Variants in SNX14 observed in about 807,000 individuals in gnomAD.
SNX14 encodes sorting nexin 14, also known as sorting nexin-14.
Under a neutral mutation model 133.8 loss-of-function variants are expected in SNX14, and 93 were observed. The observed-to-expected ratio is 0.70, with a 90% CI of 0.59 to 0.83. The LOEUF (loss-of-function observed/expected upper bound fraction) is 0.83, where lower values mean the gene tolerates loss of function less well. Ranked by LOEUF, SNX14 falls within the 40% of genes least tolerant of loss-of-function variation. SNX14 has a pLI of 0.00. For missense variants in SNX14, 945 were observed against 1,094.9 expected (o/e 0.86, Z 1.93); for synonymous variants, 368 against 365.6 (o/e 1.01, Z -0.07).
At chr6:85,587,050 AAAAG>A (rs1263449665) in intron 1 of SNX14, among the ~76,000 whole-genome samples, 5 of 152,030 alleles carry the variant, frequency 3.3e-5, no homozygotes, top group Non-Finnish European at 5.9e-5. Context: ...CATCTCAAAA[AAAAG>A]AAAGAGAGAG....
chr6:85,570,398 C>A (rs910973605), intron 4 of SNX14, among the ~76,000 whole-genome samples: 2 of 152,132 alleles, frequency 1.3e-5, no homozygotes, highest in Non-Finnish European at 2.9e-5. Context: ...ACCTCAACTT[C>A]GCACTCTCCA....
intron 6 of SNX14, among the ~76,000 whole-genome samples, chr6:85,563,700 A>T (rs1792645828): frequency 6.6e-6 from 1 of 151,948 alleles, no homozygotes; most frequent in Non-Finnish European, 1.5e-5. Context: ...GCTGAGAAAA[A>T]TATTTTTTAA....
chr6:85,517,865 T>C lies in SNX14; in HGVS notation c.2159A>G (p.His720Arg). Reference sequence around the variant, plus strand: ...GAAATTCATGATAAAAGGTTCCAAATGCTGACCTTTCTGTGGTGATAGATT... The same window carrying C: ...GAAATTCATGATAAAAGGTTCCAAACGCTGACCTTTCTGTGGTGATAGATT... ...PGKLMKEKGQ[H>R]LEPFIMNFIN... The change falls in exon 23 of 29, where the codon CAT (histidine) becomes CGT (arginine). Residue 720 changes from histidine (H) to arginine (R), a missense_variant. His to Arg is a conservative substitution (Grantham distance 29). Around this residue, in one of 3 missense-constraint regions of SNX14, gnomAD observed 412 missense variants for 516.6 expected, o/e 0.80. Coordinates refer to ENST00000314673, the MANE Select transcript of SNX14 (RefSeq NM_153816.6). 1 of 1,605,914 alleles carries C rather than the reference T, an allele frequency of 6.2e-7. No individual in the cohort carries two copies. Among genetic ancestry groups the C allele is most frequent in the Non-Finnish European group, 8.5e-7 (1 of 1,177,932 alleles).
chr6:85,582,825 C>A (rs1233165900), intron 1 of SNX14, among the ~76,000 whole-genome samples: 1 of 152,144 alleles, frequency 6.6e-6, no homozygotes, highest in African/African-American at 2.4e-5. Context: ...GGATTCACAG[C>A]CAAATTCTAC....
intron 1 of SNX14, among the ~76,000 whole-genome samples, chr6:85,582,785 C>A (rs561417116): frequency 6.6e-6 from 1 of 152,180 alleles, no homozygotes; most frequent in Non-Finnish European, 1.5e-5. Context: ...AATTAATAGC[C>A]TACCAACCAA....
At chr6:85,563,750 C>G (rs879794933) in intron 6 of SNX14, among the ~76,000 whole-genome samples, 1 of 152,124 alleles carries the variant, frequency 6.6e-6, no homozygotes, top group Non-Finnish European at 1.5e-5. Context: ...ATAAATCCAT[C>G]TAACTGGAAC....
chr6:85,533,745 G>A lies in SNX14; in HGVS notation c.1664C>T (p.Thr555Ile). Residue 555 changes from threonine (T) to isoleucine (I), a missense_variant, in exon 18 of 29, where the codon ACA becomes ATA. Physicochemically the swap from Thr to Ile is moderately conservative, Grantham distance 89. Transcript: ENST00000314673. Reference protein sequence around the residue: ...EDDSPVEAVSTPNTPRNLAAW... With the variant: ...EDDSPVEAVSIPNTPRNLAAW... ...AGCAAGGTTTCGGGGAGTATTAGGT[G>A]TGCTCACAGCCTCCACTGGAGAATC... 2 of 1,613,938 alleles carry A rather than the reference G, an allele frequency of 1.2e-6. No homozygotes were observed. Among genetic ancestry groups the A allele is most frequent in the Non-Finnish European group, 1.7e-6 (2 of 1,180,016 alleles).
chr6:85,588,428 T>A (rs546089303), intron 1 of SNX14, among the ~76,000 whole-genome samples: 1 of 150,450 alleles, frequency 6.6e-6, no homozygotes, highest in East Asian at 2.0e-4. Context: ...AAAAAAAAAA[T>A]TAGCCGGGCG....
chr6:85,551,687 C>T (rs1402617262), intron 7 of SNX14, among the ~76,000 whole-genome samples: 3 of 152,198 alleles, frequency 2.0e-5, no homozygotes, highest in Non-Finnish European at 4.4e-5. Flanking sequence ...GAAACAAAGT[C>T]TCTTTACTCT....
chr6:85,559,264 A>G (rs1790771588), intron 6 of SNX14, among the ~76,000 whole-genome samples: 1 of 151,912 alleles, frequency 6.6e-6, no homozygotes, highest in Admixed American at 6.6e-5. Flanking sequence ...AAATAACATC[A>G]CTCTTCATTT....
At chr6:85,587,811 A>G (rs1460531086) in intron 1 of SNX14, among the ~76,000 whole-genome samples, 1 of 152,250 alleles carries the variant, frequency 6.6e-6, no homozygotes, top group Non-Finnish European at 1.5e-5. Flanking sequence ...TAAGTGAAAA[A>G]TTAGAGAATT....
At chr6:85,563,302 T>C (rs1191148072) in intron 6 of SNX14, among the ~76,000 whole-genome samples, 1 of 152,188 alleles carries the variant, frequency 6.6e-6, no homozygotes, top group Non-Finnish European at 1.5e-5. Flanking sequence ...GACAAAGCAG[T>C]AGAAAAGTGT....
intron 4 of SNX14, among the ~76,000 whole-genome samples, chr6:85,570,303 G>A (rs993487819): frequency 7.1e-6 from 1 of 141,082 alleles, no homozygotes; most frequent in Non-Finnish European, 1.5e-5. Context: ...TGGACCAAGG[G>A]TTTTATACAA....
At chr6:85,568,972 T>TC (rs1199145261) in intron 4 of SNX14, among the ~76,000 whole-genome samples, 7 of 151,646 alleles carry the variant, frequency 4.6e-5, no homozygotes, top group Admixed American at 2.0e-4. Context: ...TTTTCTTTTT[T>TC]TTTTTTTTTT....
Position 85,506,138 on chromosome 6 carries a change from T to C in SNX14, c.2803-133A>G. 3 of 641,118 alleles carry C rather than the reference T, an allele frequency of 4.7e-6. No homozygotes were observed. In the Admixed American group the frequency reaches 8.5e-5, roughly 18 times the overall value. 39.7% of individuals were successfully genotyped at this position (641,118 alleles called of 1,614,324 possible). A position where few individuals can be genotyped will look rare whatever the true frequency, so the allele number is the denominator to read the frequency against. ...AAACCAAAATAAATTGGCTGGCATA[T>C]GGAGTGAGAAATATCTATGTTCTAG... On this transcript the variant is annotated intron_variant, in intron 28 of 28. Transcript: ENST00000314673.
At chr6:85,553,741 G>A (rs1451348030) in intron 7 of SNX14, among the ~76,000 whole-genome samples, 2 of 150,426 alleles carry the variant, frequency 1.3e-5, no homozygotes, top group African/African-American at 4.9e-5. Context: ...AGCCGAAATC[G>A]CGCCACTGCA....
chr6:85,530,503 G>C (rs1779894178), intron 18 of SNX14, among the ~76,000 whole-genome samples: 1 of 152,022 alleles, frequency 6.6e-6, no homozygotes, highest in South Asian at 2.1e-4. Context: ...AAATTAGCCA[G>C]GTGTGGTGGC....
chr6:85,583,246 T>C (rs1306441462), intron 1 of SNX14, among the ~76,000 whole-genome samples: 2 of 152,182 alleles, frequency 1.3e-5, no homozygotes, highest in South Asian at 2.1e-4. Context: ...TAGGTATTCA[T>C]GGAATCTATC....
chr6:85,566,985 G>GAA (rs959699687), intron 5 of SNX14, among the ~76,000 whole-genome samples: 6 of 150,584 alleles, frequency 4.0e-5, no homozygotes, highest in Non-Finnish European at 8.9e-5. Context: ...GGTACTTGGG[G>GAA]AAAAAAAAAC....
Sources: allele counts gnomAD v4.1 joint callset (sites outside exome capture counted in the v4.1 genomes callset), GRCh38; gene constraint gnomAD v4.1.1; regional missense constraint gnomAD v4.1.1; transcripts MANE v1.5; gene names NCBI Gene and HGNC (gene_info 2026-07-23, HGNC 2026-07-21).